Variants in TBC1D14 observed in about 807,000 individuals in gnomAD.
TBC1D14 encodes TBC1 domain family member 14.
In TBC1D14, 26 loss-of-function variants were observed where a neutral mutation model predicts 79.0. The observed-to-expected ratio is 0.33, with a 90% confidence interval of 0.24 to 0.46. The LOEUF (loss-of-function observed/expected upper bound fraction) is 0.46. Among genes scored for constraint, TBC1D14 ranks in the 20% least tolerant of loss-of-function variants. The probability of loss-of-function intolerance (pLI) is 1.00; values close to 1 mark genes in which losing one functional copy is unlikely to be tolerated. For missense variants in TBC1D14, 769 were observed against 887.6 expected (o/e 0.87, Z 1.70); for synonymous variants, 394 against 349.9 (o/e 1.13, Z -1.40).
chr4:7,012,505 C>T (rs1482576729), intron 11 of TBC1D14, among the ~76,000 whole-genome samples: 2 of 152,144 alleles, frequency 1.3e-5, no homozygotes, highest in Admixed American at 6.5e-5. Context: ...TCATTACACA[C>T]TTATTTACAA....
In TBC1D14 at chr4:7,032,463, G is replaced by C. The variant is rs957639876; in HGVS notation, c.*2071G>C. On this transcript the variant is annotated 3_prime_UTR_variant, in exon 14 of 14. Coordinates refer to ENST00000409757, the MANE Select transcript of TBC1D14 (RefSeq NM_020773.3). ...TCAGCGCCCAGCCCTGCGTGTTCCTGGTGAAGCAGTTTCACATCAGTCTCT... is the reference window on the plus strand; with the variant it reads ...TCAGCGCCCAGCCCTGCGTGTTCCTCGTGAAGCAGTTTCACATCAGTCTCT... 6.6e-6 allele frequency: 1 copy of C among 152,610 alleles called. No homozygotes were observed. The highest frequency in any genetic ancestry group is 1.5e-5 in the Non-Finnish European group (1 of 68,052). 9.5% of individuals were successfully genotyped at this position (152,610 alleles called of 1,614,324 possible).
chr4:6,922,032 G>A (rs66530709), intron 1 of TBC1D14, among the ~76,000 whole-genome samples: 13,810 of 152,010 alleles, frequency 0.091, 794 homozygotes, highest in Middle Eastern at 0.16. Context: ...AGATGTGTGC[G>A]TGTGATTAAT....
chr4:6,988,168 C>A (rs186446134), intron 3 of TBC1D14, among the ~76,000 whole-genome samples: 5 of 152,330 alleles, frequency 3.3e-5, no homozygotes, highest in Non-Finnish European at 7.3e-5. Context: ...TGGGCTCCCC[C>A]CTCCAAGACA....
intron 11 of TBC1D14, among the ~76,000 whole-genome samples, chr4:7,011,486 C>A (rs532260492): frequency 6.6e-6 from 1 of 152,214 alleles, no homozygotes; most frequent in Non-Finnish European, 1.5e-5. Flanking sequence ...GTTCCTAAGC[C>A]CTTGTTCTTT....
In TBC1D14 at chr4:6,938,444, G is replaced by A. The variant is rs551050948; in HGVS notation, c.722+14333G>A. Among the ~76,000 whole-genome samples the A allele has an allele frequency of 1.8e-4, 27 of 152,254 alleles. 1 individual carries two copies. In the South Asian group the frequency reaches 5.4e-3, roughly 30 times the overall value. On this transcript the variant is annotated intron_variant, in intron 2 of 13. Coordinates refer to ENST00000409757, the MANE Select transcript of TBC1D14 (RefSeq NM_020773.3). ...GATCGTGGTCACACGAGCGTGAGGC[G>A]CCACTTCCTCTTCTTCAGTCCTTGG...
chr4:6,913,004 A>G (rs919184698), intron 1 of TBC1D14, among the ~76,000 whole-genome samples: 15 of 152,004 alleles, frequency 9.9e-5, no homozygotes, highest in African/African-American at 3.4e-4. Flanking sequence ...ATTCTATTCT[A>G]TTTTTTGAGA....
intron 2 of TBC1D14, among the ~76,000 whole-genome samples, chr4:6,949,707 T>C (rs1713844472): frequency 6.6e-6 from 1 of 150,892 alleles, no homozygotes; most frequent in Non-Finnish European, 1.5e-5. Context: ...ATTGAATCCT[T>C]GAACCTCTAT....
rs142720842 is a variant in TBC1D14 at position 6,923,743 on chromosome 4, C to A, written c.354C>A (p.Thr118=). 4.3e-6 allele frequency: 7 copies of A among 1,613,992 alleles called. No homozygotes were observed. The highest frequency in any genetic ancestry group is 1.6e-4 in the Middle Eastern group (1 of 6,062). ...PSCAPPAPSS[T]EREQSVRKSS... ...GTGCGCCACCAGCTCCTAGCAGCAC[C>A]GAGCGGGAACAGAGCGTGCGCAAAT... Residue 118 remains threonine (T), a synonymous_variant, in exon 2 of 14, where the codon ACC becomes ACA. Transcript: ENST00000409757.
chr4:6,953,598 C>A (rs1174245825), intron 2 of TBC1D14, among the ~76,000 whole-genome samples: 1 of 128,274 alleles, frequency 7.8e-6, no homozygotes, highest in Admixed American at 9.2e-5. Context: ...CGCCACTGCA[C>A]TCCAGCCTGG....
At chr4:6,909,769 A>AG (rs1414438358), upstream of TBC1D14, 1 of 111,898 alleles carries the variant, frequency 8.9e-6, no homozygotes, top group Non-Finnish European at 2.0e-5. Context: ...GGGGCGGGCG[A>AG]GGGGGCGGGG....
chr4:7,024,002 C>G (rs568532613), intron 12 of TBC1D14, among the ~76,000 whole-genome samples: 167 of 152,196 alleles, frequency 1.1e-3, no homozygotes, highest in Non-Finnish European at 1.9e-3. Context: ...CATTCCTGCT[C>G]TCATCTAGGA....
rs150081257 is a variant in TBC1D14, at chr4:6,991,721, A to G, written c.844-2463A>G. Among the ~76,000 whole-genome samples, 807 of 151,388 alleles carry G rather than the reference A, an allele frequency of 5.3e-3. 7 individuals carry two copies. Among genetic ancestry groups the G allele is most frequent in the Admixed American group, 8.7e-3 (132 of 15,216 alleles). On this transcript the variant is annotated intron_variant, in intron 3 of 13. Transcript: ENST00000409757. ...GTGGAGGAAATGGAGTTAACCCAGCATGGTCTAGGGTGGAGCAGCCCCTTC... is the reference window on the plus strand; with the variant it reads ...GTGGAGGAAATGGAGTTAACCCAGCGTGGTCTAGGGTGGAGCAGCCCCTTC...
In TBC1D14 at chr4:7,025,234, T is replaced by C; in HGVS notation, c.1988T>C (p.Met663Thr). Residue 663 changes from methionine (M) to threonine (T), a missense_variant, in exon 13 of 14, where the codon ATG (methionine) becomes ACG (threonine). By Grantham distance (81) the Met-to-Thr change is moderately conservative (BLOSUM62 -1). This residue lies in a region of TBC1D14 where 367 missense variants were observed against 494.4 expected (regional missense o/e 0.74). Coordinates refer to ENST00000409757, the MANE Select transcript of TBC1D14 (RefSeq NM_020773.3). ...TTTGCCTCCATCGCCACGATCCAGA[T>C]GCAGAGCCGAAACAAGAAGTGGGCT... ...ELFASIATIQ[M>T]QSRNKKWAQV... 6.2e-7 allele frequency: 1 copy of C among 1,614,268 alleles called. No homozygotes were observed. Among genetic ancestry groups the C allele is most frequent in the Non-Finnish European group, 8.5e-7 (1 of 1,180,052 alleles).
intron 13 of TBC1D14, among the ~76,000 whole-genome samples, chr4:7,029,702 GTATTCCCAGC>G (rs1400604364): frequency 8.5e-4 from 130 of 152,318 alleles, no homozygotes; most frequent in Non-Finnish European, 1.5e-4. Context: ...GCACACCTCT[GTATTCCCAGC>G]TACTCAGGAG....
chr4:6,912,391 T>G (rs1393757234), intron 1 of TBC1D14, among the ~76,000 whole-genome samples: 1 of 151,572 alleles, frequency 6.6e-6, no homozygotes, highest in Non-Finnish European at 1.5e-5. Flanking sequence ...AAAATAAAAA[T>G]AAAATAAAAA....
rs1577208144 is a variant in TBC1D14 at position 7,032,827 on chromosome 4, G to A, written c.*2435G>A. On this transcript the variant is annotated 3_prime_UTR_variant, in exon 14 of 14. Transcript: ENST00000409757. ...TGACTCTCACAGTCTAAGACTTCAGGGCCGGGACCTTTGTCCAGCCTGCAC... is the reference window on the plus strand; with the variant it reads ...TGACTCTCACAGTCTAAGACTTCAGAGCCGGGACCTTTGTCCAGCCTGCAC... 6.6e-6 allele frequency: 1 copy of A among 152,186 alleles called. No homozygotes were observed. The highest frequency in any genetic ancestry group is 1.5e-5 in the Non-Finnish European group (1 of 68,052). 9.4% of individuals were successfully genotyped at this position (152,186 alleles called of 1,614,324 possible).
At chr4:7,012,599 T>C (rs1027762005) in intron 11 of TBC1D14, among the ~76,000 whole-genome samples, 1 of 152,260 alleles carries the variant, frequency 6.6e-6, no homozygotes, top group Middle Eastern at 3.2e-3. Context: ...GTAGTGATGC[T>C]TACAAAGAGC....
intron 2 of TBC1D14, among the ~76,000 whole-genome samples, chr4:6,966,578 G>A (rs893127920): frequency 6.6e-6 from 1 of 152,162 alleles, no homozygotes; most frequent in Admixed American, 6.5e-5. Flanking sequence ...ATTTTAATTT[G>A]TATAACAACC....
chr4:7,023,624 C>T (rs1317133097), intron 12 of TBC1D14, among the ~76,000 whole-genome samples: 1 of 152,220 alleles, frequency 6.6e-6, no homozygotes, highest in Non-Finnish European at 1.5e-5. Context: ...GTGCTGCTGC[C>T]TCATGGTGTG....
Sources: allele counts gnomAD v4.1 joint callset (sites outside exome capture counted in the v4.1 genomes callset), GRCh38; gene constraint gnomAD v4.1.1; regional missense constraint gnomAD v4.1.1; transcripts MANE v1.5; gene names NCBI Gene and HGNC (gene_info 2026-07-23, HGNC 2026-07-21).